Variants in CCDC85A observed in about 807,000 individuals in gnomAD.
The protein encoded by CCDC85A is coiled-coil domain-containing protein 85A.
CCDC85A carries 38 observed loss-of-function variants against 50.2 expected under a neutral mutation model. The ratio of observed to expected loss-of-function variants is 0.76; its 90% confidence interval spans 0.58 to 0.99. The LOEUF is 0.99. CCDC85A is among the 50% of genes least tolerant of loss of function. CCDC85A has a pLI of 0.00. For missense variants in CCDC85A, 820 were observed against 742.0 expected (o/e 1.11, Z -1.22); for synonymous variants, 366 against 301.4 (o/e 1.21, Z -2.22).
intron 2 of CCDC85A, among the ~76,000 whole-genome samples, chr2:56,249,459 C>T (rs1005559277): frequency 6.6e-6 from 1 of 152,192 alleles, no homozygotes; most frequent in Non-Finnish European, 1.5e-5. Flanking sequence ...TGAAGAAGCA[C>T]ATGAAAACAA....
intron 3 of CCDC85A, among the ~76,000 whole-genome samples, chr2:56,363,565 G>T (rs10172460): frequency 0.12 from 18,569 of 152,224 alleles, 1,164 homozygotes; most frequent in African/African-American, 0.14. Context: ...TTGCATGGGA[G>T]CTTCATATAC....
chr2:56,210,642 C>T (rs1452863523), intron 2 of CCDC85A, among the ~76,000 whole-genome samples: 2 of 151,944 alleles, frequency 1.3e-5, no homozygotes. Flanking sequence ...GCTGGGATGG[C>T]TTGGAGTTCC....
Position 56,184,481 on chromosome 2 carries a change from C to A in CCDC85A, c.-144C>A. ...GATGGCCACCCAGCGCGACCCCCGC[C>A]GCCCCAACCCAGCGGCCCCTGGGCG... On this transcript the variant is annotated 5_prime_UTR_variant, in exon 1 of 6. Transcript: ENST00000407595. 1.1e-6 allele frequency: 1 copy of A among 940,134 alleles called. No homozygotes were observed. Among genetic ancestry groups the A allele is most frequent in the Non-Finnish European group, 1.4e-6 (1 of 727,096 alleles). 58.2% of individuals were successfully genotyped at this position (940,134 alleles called of 1,614,324 possible).
At chr2:56,293,317 A>G (rs190584819) in intron 2 of CCDC85A, among the ~76,000 whole-genome samples, 9 of 152,222 alleles carry the variant, frequency 5.9e-5, no homozygotes, top group Non-Finnish European at 1.2e-4. Flanking sequence ...CACCATATAC[A>G]AAAATTAACT....
At chr2:56,325,433 A>G (rs1033611263) in intron 2 of CCDC85A, among the ~76,000 whole-genome samples, 1 of 152,106 alleles carries the variant, frequency 6.6e-6, no homozygotes, top group African/African-American at 2.4e-5. Context: ...GTGCATTGAG[A>G]TATTTGATTT....
At chr2:56,221,921 C>T (rs549553745) in intron 2 of CCDC85A, among the ~76,000 whole-genome samples, 2 of 152,060 alleles carry the variant, frequency 1.3e-5, no homozygotes, top group Non-Finnish European at 2.9e-5. Flanking sequence ...TGGCAAGGGT[C>T]ATTCCATGGT....
rs145721324 is a variant in CCDC85A at position 56,278,074 on chromosome 2, T to C, written c.1241-64805T>C. The stretch of plus-strand genomic sequence containing the variant: ...GCCATTGGATATGCTGGCCTAGAGC[T>C]CAGGACATTAGTACTGGCTAGAGAT... On this transcript the variant is annotated intron_variant, in intron 2 of 5. Coordinates refer to ENST00000407595, the MANE Select transcript of CCDC85A (RefSeq NM_001080433.2). 5.0e-3 allele frequency among the ~76,000 whole-genome samples: 759 copies of C among 152,192 alleles called. 8 individuals carry two copies. The highest frequency in any genetic ancestry group is 0.017 in the African/African-American group (709 of 41,526).
intron 2 of CCDC85A, among the ~76,000 whole-genome samples, chr2:56,338,725 C>T (rs567085751): frequency 1.3e-5 from 2 of 151,936 alleles, no homozygotes; most frequent in Non-Finnish European, 2.9e-5. Flanking sequence ...AAGGGTTTAA[C>T]GAAACAAATA....
chr2:56,242,741 C>T (rs1198229221), intron 2 of CCDC85A, among the ~76,000 whole-genome samples: 1 of 152,128 alleles, frequency 6.6e-6, no homozygotes. Context: ...GATTGTTTCA[C>T]TCACTGTGCA....
chr2:56,237,859 G>C (rs2103956589), intron 2 of CCDC85A, among the ~76,000 whole-genome samples: 1 of 152,170 alleles, frequency 6.6e-6, no homozygotes, highest in Middle Eastern at 3.4e-3. Flanking sequence ...ATTCGGAATG[G>C]TCTAATAGGG....
intron 2 of CCDC85A, among the ~76,000 whole-genome samples, chr2:56,247,642 C>G (rs979129529): frequency 2.6e-5 from 4 of 152,094 alleles, no homozygotes; most frequent in Non-Finnish European, 5.9e-5. Context: ...ATAAAAGTGG[C>G]TCCTTTGTGC....
chr2:56,291,773 CTTTTT>C (rs35549209), intron 2 of CCDC85A, among the ~76,000 whole-genome samples: 2 of 115,536 alleles, frequency 1.7e-5, no homozygotes, highest in Admixed American at 8.8e-5. Flanking sequence ...AATGGGAAGG[CTTTTT>C]TTTTTTTTTT....
rs1211344144 is a variant in CCDC85A, at chr2:56,323,960, T to C, written c.1241-18919T>C. Among the ~76,000 whole-genome samples, 3 of 152,236 alleles carry C rather than the reference T, an allele frequency of 2.0e-5. No homozygotes were observed. The East Asian group carries it at 5.8e-4, about 29-fold the overall frequency. On this transcript the variant is annotated intron_variant, in intron 2 of 5. Transcript: ENST00000407595. ...CTCTTTATAGATCAGTTCATTAAAATGGTCGTTTATGGAAAGATATATACG... is the reference window on the plus strand; with the variant it reads ...CTCTTTATAGATCAGTTCATTAAAACGGTCGTTTATGGAAAGATATATACG...
At chr2:56,321,656 T>C (rs1484974699) in intron 2 of CCDC85A, among the ~76,000 whole-genome samples, 1 of 152,164 alleles carries the variant, frequency 6.6e-6, no homozygotes, top group African/African-American at 2.4e-5. Context: ...CACAAACAAA[T>C]TGAAGAACGT....
At chr2:56,269,332 AG>A (rs1670595418) in intron 2 of CCDC85A, among the ~76,000 whole-genome samples, 1 of 43,802 alleles carries the variant, frequency 2.3e-5, no homozygotes, top group East Asian at 6.7e-4. Context: ...CTCCTTGGCA[AG>A]GGTGTGTGTG....
At chr2:56,303,303 T>C (rs2104197983) in intron 2 of CCDC85A, among the ~76,000 whole-genome samples, 1 of 151,890 alleles carries the variant, frequency 6.6e-6, no homozygotes, top group South Asian at 2.1e-4. Context: ...GTGTATAATT[T>C]TGTGGTTAAA....
chr2:56,321,918 C>T (rs1248982857), intron 2 of CCDC85A, among the ~76,000 whole-genome samples: 2 of 152,204 alleles, frequency 1.3e-5, no homozygotes, highest in African/African-American at 2.4e-5. Flanking sequence ...GTAACCAAAA[C>T]AGCGTGGTAC....
At chr2:56,200,020 C>T (rs1573013006) in intron 2 of CCDC85A, among the ~76,000 whole-genome samples, 1 of 152,310 alleles carries the variant, frequency 6.6e-6, no homozygotes, top group East Asian at 1.9e-4. Flanking sequence ...AGGCGCACAC[C>T]ACCACGCCTA....
At chr2:56,337,811 G>T (rs1674150868) in intron 2 of CCDC85A, among the ~76,000 whole-genome samples, 1 of 148,450 alleles carries the variant, frequency 6.7e-6, no homozygotes, top group African/African-American at 2.5e-5. Context: ...TTGAGACAGA[G>T]TATGGCTCTG....
Sources: allele counts gnomAD v4.1 joint callset (sites outside exome capture counted in the v4.1 genomes callset), GRCh38; gene constraint gnomAD v4.1.1; transcripts MANE v1.5; gene names NCBI Gene and HGNC (gene_info 2026-07-23, HGNC 2026-07-21).